Variants in SWT1 observed in about 807,000 individuals in gnomAD.
SWT1 encodes the protein transcriptional protein SWT1.
In SWT1, 33 loss-of-function variants were observed where a neutral mutation model predicts 107.3. The observed-to-expected ratio is 0.31, with a 90% CI of 0.23 to 0.41. SWT1 has a LOEUF of 0.41. Ranked by LOEUF, SWT1 falls within the 10% of genes least tolerant of loss-of-function variation. The pLI is 1.00. For synonymous variants in SWT1, 345 were observed against 348.3 expected, an observed-to-expected ratio of 0.99 and a Z score of 0.11; for missense variants, 898 against 1,028.9, an observed-to-expected ratio of 0.87 and a Z score of 1.74.
intron 15 of SWT1, among the ~76,000 whole-genome samples, chr1:185,228,690 C>T (rs1207686665): frequency 6.6e-6 from 1 of 151,818 alleles, no homozygotes; most frequent in Non-Finnish European, 1.5e-5. Flanking sequence ...GATCATGACG[C>T]CTTAAGAGGA....
chr1:185,228,266 A>G (rs1660247444), intron 15 of SWT1, among the ~76,000 whole-genome samples: 1 of 150,116 alleles, frequency 6.7e-6, no homozygotes, highest in Admixed American at 6.6e-5. Flanking sequence ...CATGCCCATA[A>G]TCCGAGCACT....
intron 16 of SWT1, among the ~76,000 whole-genome samples, chr1:185,256,155 T>C (rs1015977678): frequency 3.3e-5 from 5 of 151,864 alleles, no homozygotes; most frequent in Non-Finnish European, 5.9e-5. Flanking sequence ...GATCCGCTGT[T>C]AGTCTGATGG....
intron 16 of SWT1, among the ~76,000 whole-genome samples, chr1:185,256,634 G>C (rs1169117844): frequency 4.1e-5 from 6 of 145,664 alleles, no homozygotes; most frequent in Middle Eastern, 3.5e-3. Context: ...AGCTCCATCA[G>C]CTCCTTTAAG....
chr1:185,256,811 C>A (rs1193906031), intron 16 of SWT1, among the ~76,000 whole-genome samples: 1 of 152,172 alleles, frequency 6.6e-6, no homozygotes, highest in Admixed American at 6.5e-5. Context: ...CAGCTTTGTT[C>A]CATTGCTGGT....
At chr1:185,281,188 A>G (rs1038188626) in intron 18 of SWT1, 11 of 231,970 alleles carry the variant, frequency 4.7e-5, no homozygotes, top group Admixed American at 2.0e-4. Flanking sequence ...ATTGCCATCA[A>G]TGAAGTAATG....
In SWT1 at chr1:185,175,126, A is replaced by T; in HGVS notation, c.966+13A>T. 6.7e-7 allele frequency: 1 copy of T among 1,489,372 alleles called. No individual in the cohort carries two copies. The highest frequency in any genetic ancestry group is 8.9e-7 in the Non-Finnish European group (1 of 1,121,010). The allele number at this position is 1,489,372 out of a possible 1,614,324, so 92.3% of individuals were successfully genotyped here. Reference sequence around the variant, plus strand: ...AAACCTAACCCAGGTAAGGTAGTAAAAAATGAAGAATATAGGTTTTAACTG... The same window carrying T: ...AAACCTAACCCAGGTAAGGTAGTAATAAATGAAGAATATAGGTTTTAACTG... On this transcript the variant is annotated intron_variant, in intron 5 of 18. Transcript: ENST00000367500.
At chr1:185,279,684 T>G (rs1664493544) in intron 18 of SWT1, among the ~76,000 whole-genome samples, 1 of 151,142 alleles carries the variant, frequency 6.6e-6, no homozygotes, top group South Asian at 2.1e-4. Flanking sequence ...CTTAAAATTT[T>G]CAAATAAGCT....
At chr1:185,209,848 A>G (rs1354450793) in intron 13 of SWT1, among the ~76,000 whole-genome samples, 1 of 152,232 alleles carries the variant, frequency 6.6e-6, no homozygotes, top group African/African-American at 2.4e-5. Flanking sequence ...CCAACAGTGT[A>G]AAAGCATTCC....
intron 10 of SWT1, among the ~76,000 whole-genome samples, chr1:185,202,406 A>G (rs1197546530): frequency 6.6e-6 from 1 of 152,136 alleles, no homozygotes; most frequent in Non-Finnish European, 1.5e-5. Flanking sequence ...ATGGGGGTAA[A>G]GTTAATACTA....
At chr1:185,205,544 T>A (rs1270680479) in intron 12 of SWT1, among the ~76,000 whole-genome samples, 1 of 152,168 alleles carries the variant, frequency 6.6e-6, no homozygotes, top group Non-Finnish European at 1.5e-5. Context: ...AATTTTTGTA[T>A]TTTTATTAGA....
chr1:185,229,763 T>C (rs1660370368), intron 15 of SWT1, among the ~76,000 whole-genome samples: 1 of 152,178 alleles, frequency 6.6e-6, no homozygotes, highest in African/African-American at 2.4e-5. Flanking sequence ...TTACATTCTC[T>C]TTTTAGGCTT....
chr1:185,249,549 C>T (rs1055686729), intron 16 of SWT1, among the ~76,000 whole-genome samples: 3 of 152,134 alleles, frequency 2.0e-5, no homozygotes, highest in African/African-American at 7.2e-5. Context: ...TGAGGCAAGG[C>T]TCCCTGGGTA....
chr1:185,247,544 G>T (rs533466089), intron 16 of SWT1, among the ~76,000 whole-genome samples: 1 of 152,268 alleles, frequency 6.6e-6, no homozygotes, highest in Non-Finnish European at 1.5e-5. Context: ...TCATATTTAT[G>T]TATCATAAAG....
intron 18 of SWT1, among the ~76,000 whole-genome samples, chr1:185,277,786 C>T (rs1664343391): frequency 6.6e-6 from 1 of 151,974 alleles, no homozygotes; most frequent in South Asian, 2.1e-4. Flanking sequence ...TATTCTCTCT[C>T]AAGGGATTGT....
At chr1:185,173,671 T>G (rs891061576) in intron 4 of SWT1, among the ~76,000 whole-genome samples, 1 of 152,044 alleles carries the variant, frequency 6.6e-6, no homozygotes, top group Admixed American at 6.6e-5. Flanking sequence ...ATCGCGCCAC[T>G]GCACTCCAGC....
At chr1:185,251,808 T>C (rs890432865) in intron 16 of SWT1, among the ~76,000 whole-genome samples, 5 of 151,428 alleles carry the variant, frequency 3.3e-5, no homozygotes. Flanking sequence ...ATTTTTTTTA[T>C]TATACTTTAA....
chr1:185,196,747 A>G (rs1262708592), intron 10 of SWT1, among the ~76,000 whole-genome samples: 1 of 152,190 alleles, frequency 6.6e-6, no homozygotes, highest in African/African-American at 2.4e-5. Context: ...CTTTGTAGCA[A>G]TTGTGAATGG....
chr1:185,251,051 C>G (rs925407342), intron 16 of SWT1, among the ~76,000 whole-genome samples: 2 of 152,182 alleles, frequency 1.3e-5, no homozygotes, highest in Admixed American at 1.3e-4. Flanking sequence ...AAAAACCATT[C>G]TTTTATGGCT....
intron 11 of SWT1, among the ~76,000 whole-genome samples, chr1:185,203,717 T>A (rs1252102906): frequency 6.6e-6 from 1 of 152,182 alleles, no homozygotes; most frequent in Non-Finnish European, 1.5e-5. Context: ...AAATATTTTA[T>A]TAAACCTGAC....
Sources: allele counts gnomAD v4.1 joint callset (sites outside exome capture counted in the v4.1 genomes callset), GRCh38; gene constraint gnomAD v4.1.1; transcripts MANE v1.5; gene names NCBI Gene and HGNC (gene_info 2026-07-23, HGNC 2026-07-21).